The following G2E3 variants were observed in gnomAD, a reference collection of about 807,000 sequenced individuals.
The protein encoded by G2E3 is G2/M-phase specific E3 ubiquitin protein ligase.
G2E3 carries 35 observed loss-of-function variants against 92.8 expected under a neutral mutation model. The ratio of observed to expected loss-of-function variants is 0.38; its 90% confidence interval spans 0.29 to 0.50. The LOEUF is 0.50. G2E3 is among the 20% of genes least tolerant of loss of function. The pLI, the probability that G2E3 is intolerant of heterozygous loss-of-function variation, is 0.94. For missense variants in G2E3, 554 were observed against 823.8 expected (o/e 0.67, Z 4.01); for synonymous variants, 242 against 272.4 (o/e 0.89, Z 1.10).
Position 30,619,622 on chromosome 14 carries a change from G to A in G2E3, c.*3088G>A, listed in dbSNP as rs1882472067. The A allele has an allele frequency of 6.6e-6, 1 of 152,038 alleles. No homozygotes were observed. The highest frequency in any genetic ancestry group is 1.5e-5 in the Non-Finnish European group (1 of 67,978). 9.4% of individuals were successfully genotyped at this position (152,038 alleles called of 1,614,324 possible). A position where few individuals can be genotyped will look rare whatever the true frequency, so the allele number is the denominator to read the frequency against. On this transcript the variant is annotated 3_prime_UTR_variant, in exon 15 of 15. Transcript: ENST00000206595. ...TCTGTGGTTTAGGAAAATTTGGATT[G>A]TCTTGAAGAGACTCAGTTTTCAAGT...
intron 14 of G2E3, among the ~76,000 whole-genome samples, chr14:30,615,963 G>A (rs1370126801): frequency 2.6e-5 from 4 of 152,152 alleles, no homozygotes; most frequent in Admixed American, 2.6e-4. Context: ...GAGTGGAGAA[G>A]AATTTAACTT....
chr14:30,571,258 T>C (rs1879744687), intron 1 of G2E3, among the ~76,000 whole-genome samples: 1 of 151,788 alleles, frequency 6.6e-6, no homozygotes, highest in Admixed American at 6.6e-5. Context: ...GGCTATGTTG[T>C]GTTTTTTTTA....
chr14:30,572,443 C>T (rs1879822612), intron 1 of G2E3, among the ~76,000 whole-genome samples: 1 of 152,098 alleles, frequency 6.6e-6, no homozygotes, highest in South Asian at 2.1e-4. Flanking sequence ...GTCAGATGCC[C>T]TTTTGTATCT....
chr14:30,602,830 T>A (rs1881636662), intron 10 of G2E3: 1 of 152,164 alleles, frequency 6.6e-6, no homozygotes, highest in Non-Finnish European at 1.5e-5. Flanking sequence ...CAGACTGGTC[T>A]TGAACTCCTG....
intron 2 of G2E3, among the ~76,000 whole-genome samples, chr14:30,585,371 A>G (rs1300712937): frequency 6.6e-6 from 1 of 152,144 alleles, no homozygotes; most frequent in East Asian, 1.9e-4. Context: ...GTTCTTTTGC[A>G]TGTAAGGAGC....
At chr14:30,568,614 T>C (rs892182973) in intron 1 of G2E3, among the ~76,000 whole-genome samples, 1 of 152,154 alleles carries the variant, frequency 6.6e-6, no homozygotes, top group African/African-American at 2.4e-5. Flanking sequence ...TATCTTAAAC[T>C]TATAACAACC....
chr14:30,586,761 C>T lies in G2E3; in HGVS notation c.81C>T (p.Tyr27=), dbSNP rs148066743. 5.2e-5 allele frequency: 75 copies of T among 1,445,216 alleles called. No individual in the cohort carries two copies. The highest frequency in any genetic ancestry group is 1.9e-4 in the Middle Eastern group (1 of 5,174). 89.5% of individuals were successfully genotyped at this position (1,445,216 alleles called of 1,614,324 possible). A position where few individuals can be genotyped will look rare whatever the true frequency, so the allele number is the denominator to read the frequency against. The change falls in exon 3 of 15, where the codon TAC becomes TAT. Residue 27 remains tyrosine, a synonymous_variant. Coordinates refer to ENST00000206595, the MANE Select transcript of G2E3 (RefSeq NM_017769.5). ...AACATGATGACTGTCCTAATAAATA[C>T]GGAGAAAAGAAAACTAAGGAGAAAT... ...CRKHDDCPNK[Y]GEKKTKEKWN... is the part of the protein sequence containing the mutation.
rs537731981 is a variant in G2E3, at chr14:30,608,334, ACTC to A, written c.1500+269_1500+271del. ...TCTGTGTTCACCATGGCTTGTGAAT[ACTC>A]CTCAGAAATACATGGATTTGCCTGC... On this transcript the variant is annotated intron_variant, in intron 12 of 14. Transcript: ENST00000206595. 6.4e-4 allele frequency among the ~76,000 whole-genome samples: 97 copies of A among 152,218 alleles called. No homozygotes were observed. In the East Asian group the frequency reaches 0.018, roughly 28 times the overall value.
intron 1 of G2E3, among the ~76,000 whole-genome samples, chr14:30,562,047 A>G (rs532207522): frequency 3.9e-5 from 6 of 152,314 alleles, no homozygotes; most frequent in African/African-American, 9.6e-5. Context: ...AATGCTTTAT[A>G]CATATTTTCT....
At chr14:30,606,655 A>G (rs904489276) in intron 11 of G2E3, among the ~76,000 whole-genome samples, 2 of 152,126 alleles carry the variant, frequency 1.3e-5, no homozygotes, top group South Asian at 4.1e-4. Flanking sequence ...AGTTCTTTAC[A>G]TCCTTAATTA....
intron 3 of G2E3, 146 bp from the exon 4 acceptor site, chr14:30,589,237 A>G (rs547872328): frequency 6.6e-5 from 35 of 532,084 alleles, no homozygotes; most frequent in African/African-American, 5.8e-4. Context: ...TACTTTGACC[A>G]TGAAAAATAA....
intron 1 of G2E3, among the ~76,000 whole-genome samples, chr14:30,579,341 A>G (rs1248443618): frequency 6.6e-6 from 1 of 152,206 alleles, no homozygotes; most frequent in Non-Finnish European, 1.5e-5. Context: ...ATGGCATAGA[A>G]TATTATTTTG....
At chr14:30,608,445 C>T (rs749977503) in intron 12 of G2E3, among the ~76,000 whole-genome samples, 3 of 152,180 alleles carry the variant, frequency 2.0e-5, no homozygotes, top group Non-Finnish European at 4.4e-5. Flanking sequence ...GCCGATGGGT[C>T]TGAAGAGAGG....
intron 6 of G2E3, among the ~76,000 whole-genome samples, chr14:30,594,938 G>A (rs970339938): frequency 2.6e-5 from 4 of 151,412 alleles, no homozygotes; most frequent in Non-Finnish European, 5.9e-5. Flanking sequence ...AGACCAGCAT[G>A]GCCAACATGG....
intron 8 of G2E3, among the ~76,000 whole-genome samples, chr14:30,601,206 C>CT (rs932455293): frequency 2.0e-4 from 30 of 152,216 alleles, no homozygotes; most frequent in African/African-American, 7.0e-4. Context: ...ACAGCCCACA[C>CT]TTGTAGTCAT....
At chr14:30,585,061 C>T (rs1427555451) in intron 2 of G2E3, among the ~76,000 whole-genome samples, 2 of 152,056 alleles carry the variant, frequency 1.3e-5, no homozygotes, top group Non-Finnish European at 2.9e-5. Context: ...GTCTCGAACT[C>T]CTGACCTTGT....
At position 30,602,035 on chromosome 14, in the gene G2E3, A is replaced by G; in HGVS notation, c.914A>G (p.Asn305Ser). The change falls in exon 10 of 15, where the codon AAT (asparagine) becomes AGT (serine). Residue 305 changes from asparagine (N) to serine (S), a missense_variant. Coordinates refer to ENST00000206595, the MANE Select transcript of G2E3 (RefSeq NM_017769.5). ...FQKAKKHVLPNSNNVGITDCL... is the reference protein window; with the variant it reads ...FQKAKKHVLPSSNNVGITDCL... ...AAAGCCAAAAAACATGTATTACCCA[A>G]TTCTAATAATGTGGGGATTACAGAT... 2 of 1,611,210 alleles carry G rather than the reference A, an allele frequency of 1.2e-6. No homozygotes were observed. Among genetic ancestry groups the G allele is most frequent in the South Asian group, 1.1e-5 (1 of 90,896 alleles).
rs372697682 is a variant in G2E3, at chr14:30,604,911, T to C, written c.1011-594T>C. Among the ~76,000 whole-genome samples the C allele has an allele frequency of 8.3e-4, 124 of 148,722 alleles. 1 individual carries two copies. Among genetic ancestry groups the C allele is most frequent in the African/African-American group, 2.1e-3 (86 of 40,906 alleles). ...TCATTCATTCATTCATTCATTCATT[T>C]ATGAGACGGAGTTTCGCTCTTGTTG... On this transcript the variant is annotated intron_variant, in intron 10 of 14. Transcript: ENST00000206595.
intron 13 of G2E3, among the ~76,000 whole-genome samples, chr14:30,614,947 A>G (rs1056172186): frequency 2.0e-5 from 3 of 152,104 alleles, no homozygotes; most frequent in Non-Finnish European, 2.9e-5. Context: ...TTAAATTTTT[A>G]TGTAATGAAG....
Sources: gnomAD v4.1 joint callset for allele counts (sites outside exome capture counted in the v4.1 genomes callset) on GRCh38, gnomAD v4.1.1 for gene constraint, MANE v1.5 for transcripts, NCBI Gene and HGNC (gene_info 2026-07-23, HGNC 2026-07-21) for gene names.